The following ZBTB8A variants were observed in gnomAD, a reference collection of about 807,000 sequenced individuals.
ZBTB8A encodes zinc finger and BTB domain containing 8A.
A neutral mutation model predicts 37.8 loss-of-function variants in ZBTB8A; 19 were observed. The ratio of observed to expected loss-of-function variants is 0.50; its 90% CI spans 0.35 to 0.74. The LOEUF (loss-of-function observed/expected upper bound fraction) is 0.74. Among genes scored for constraint, ZBTB8A ranks in the 30% least tolerant of loss-of-function variants. ZBTB8A has a pLI of 0.01. For synonymous variants in ZBTB8A, 181 were observed against 185.2 expected (o/e 0.98, Z 0.19); for missense variants, 394 against 537.8 (o/e 0.73, Z 2.65).
At chr1:32,554,463 TA>T (rs1644184095) in intron 2 of ZBTB8A, among the ~76,000 whole-genome samples, 7 of 10,574 alleles carry the variant, frequency 6.6e-4, no homozygotes, top group African/African-American at 2.5e-3. Flanking sequence ...TTTAATCTTT[TA>T]TTTATTTATT....
At chr1:32,544,312 A>G (rs1421954672) in intron 1 of ZBTB8A, among the ~76,000 whole-genome samples, 1 of 152,264 alleles carries the variant, frequency 6.6e-6, no homozygotes, top group Non-Finnish European at 1.5e-5. Context: ...GCTGTATGGT[A>G]TAGCCTATGG....
chr1:32,546,531 C>T (rs539259420), intron 1 of ZBTB8A, among the ~76,000 whole-genome samples: 3 of 152,096 alleles, frequency 2.0e-5, no homozygotes, highest in African/African-American at 4.8e-5. Context: ...ATAGTCCCAC[C>T]TATGTGGGAG....
At chr1:32,549,951 C>A in intron 1 of ZBTB8A, among the ~76,000 whole-genome samples, 1 of 152,214 alleles carries the variant, frequency 6.6e-6, no homozygotes, top group Non-Finnish European at 1.5e-5. Context: ...CACCTCATTT[C>A]TGCCTTCCGG....
intron 2 of ZBTB8A, among the ~76,000 whole-genome samples, chr1:32,571,221 C>G (rs1206030292): frequency 1.3e-5 from 2 of 152,220 alleles, no homozygotes; most frequent in Non-Finnish European, 2.9e-5. Flanking sequence ...TGACCAACAC[C>G]TCTAGTACAG....
chr1:32,549,523 C>G (rs1644134174), intron 1 of ZBTB8A, among the ~76,000 whole-genome samples: 1 of 151,884 alleles, frequency 6.6e-6, no homozygotes. Context: ...CCCAACAGGC[C>G]CCCCAGGGAG....
intron 2 of ZBTB8A, among the ~76,000 whole-genome samples, chr1:32,584,485 A>G (rs561029480): frequency 6.7e-6 from 1 of 148,232 alleles, no homozygotes; most frequent in South Asian, 2.2e-4. Context: ...AAACGTCATC[A>G]TTCTTTTTTT....
intron 2 of ZBTB8A, among the ~76,000 whole-genome samples, chr1:32,568,050 G>T (rs1480468290): frequency 6.6e-6 from 1 of 151,828 alleles, no homozygotes; most frequent in Non-Finnish European, 1.5e-5. Flanking sequence ...GCTGAGGCAG[G>T]AGACTTGATC....
chr1:32,587,227 G>A (rs191056813), intron 2 of ZBTB8A, among the ~76,000 whole-genome samples: 6 of 152,118 alleles, frequency 3.9e-5, no homozygotes, highest in Admixed American at 2.6e-4. Flanking sequence ...CAACAAGAGC[G>A]AAACTCCATC....
intron 2 of ZBTB8A, among the ~76,000 whole-genome samples, chr1:32,585,740 C>T (rs933322348): frequency 2.0e-5 from 3 of 152,264 alleles, no homozygotes; most frequent in Non-Finnish European, 4.4e-5. Flanking sequence ...GGTGGCTCAA[C>T]ACCTGTAATC....
intron 4 of ZBTB8A, 31 bp from the exon 5 acceptor site, chr1:32,600,056 C>T (rs753502070): frequency 6.4e-7 from 1 of 1,559,712 alleles, no homozygotes; most frequent in South Asian, 1.2e-5. Flanking sequence ...TTTGAAAAAT[C>T]ACTTTTATCA....
intron 2 of ZBTB8A, among the ~76,000 whole-genome samples, chr1:32,569,670 G>A (rs1644310440): frequency 6.6e-6 from 1 of 151,820 alleles, no homozygotes; most frequent in African/African-American, 2.4e-5. Context: ...GGGATTACAG[G>A]CATGAGCCAC....
rs150479615 is a variant in ZBTB8A at position 32,560,065 on chromosome 1, A to G, written c.-2+6525A>G. 6.7e-4 allele frequency among the ~76,000 whole-genome samples: 102 copies of G among 152,216 alleles called. 1 individual carries two copies. The highest frequency in any genetic ancestry group is 1.3e-3 in the Admixed American group (20 of 15,266). ...AGCTTCCAGTTACGGTGGAAGACATAGGAGGAGCAGGCATCTTCACATGGC... is the reference window on the plus strand; with the variant it reads ...AGCTTCCAGTTACGGTGGAAGACATGGGAGGAGCAGGCATCTTCACATGGC... On this transcript the variant is annotated intron_variant, in intron 2 of 4. Coordinates refer to ENST00000373510, the MANE Select transcript of ZBTB8A (RefSeq NM_001040441.3).
At position 32,600,312 on chromosome 1, in the gene ZBTB8A, A is replaced by G; in HGVS notation, c.1219A>G (p.Arg407Gly). Residue 407 changes from arginine (R) to glycine (G), a missense_variant, in exon 5 of 5, where the codon AGA (arginine) becomes GGA (glycine). Coordinates refer to ENST00000373510, the MANE Select transcript of ZBTB8A (RefSeq NM_001040441.3). ...ATGGCACTTGAGTGAAGATGAGAATAGATCCTATGTGGAGATTGTAGAAGA... is the reference window on the plus strand; with the variant it reads ...ATGGCACTTGAGTGAAGATGAGAATGGATCCTATGTGGAGATTGTAGAAGA... ...SRWHLSEDEN[R>G]SYVEIVEDGS... The G allele has an allele frequency of 1.9e-6, 3 of 1,614,196 alleles. No homozygotes were observed. Among genetic ancestry groups the G allele is most frequent in the Non-Finnish European group, 2.5e-6 (3 of 1,180,024 alleles).
chr1:32,543,737 C>T (rs541510716), intron 1 of ZBTB8A, among the ~76,000 whole-genome samples: 3 of 152,126 alleles, frequency 2.0e-5, no homozygotes, highest in East Asian at 1.9e-4. Flanking sequence ...AGTGCAATGG[C>T]GCGATCTCGG....
In ZBTB8A at chr1:32,602,136, C is replaced by G. The variant is rs540993313; in HGVS notation, c.*1717C>G. On this transcript the variant is annotated 3_prime_UTR_variant, in exon 5 of 5. Transcript: ENST00000373510. ...CCGAGGTCGGGAGTTTGAGACCAGC[C>G]TGACCAACATGGAGAAACCCCGTCT... 2 of 152,278 alleles carry G rather than the reference C, an allele frequency of 1.3e-5. No homozygotes were observed. Among genetic ancestry groups the G allele is most frequent in the East Asian group, 1.9e-4 (1 of 5,156 alleles). 9.4% of individuals were successfully genotyped at this position (152,278 alleles called of 1,614,324 possible).
At chr1:32,578,681 TA>T (rs935975742) in intron 2 of ZBTB8A, among the ~76,000 whole-genome samples, 1 of 151,874 alleles carries the variant, frequency 6.6e-6, no homozygotes, top group Non-Finnish European at 1.5e-5. Context: ...CCTTCTGATT[TA>T]AAAAAATATT....
At position 32,600,569 on chromosome 1, in the gene ZBTB8A, C is replaced by T. The variant is rs1052758529; in HGVS notation, c.*150C>T. On this transcript the variant is annotated 3_prime_UTR_variant, in exon 5 of 5. Coordinates refer to ENST00000373510, the MANE Select transcript of ZBTB8A (RefSeq NM_001040441.3). The stretch of plus-strand genomic sequence containing the variant: ...ATAACTTGCATGCTTTCTGAACAGG[C>T]CATTGTATCCATTCTGAACTTTGTT... The T allele has an allele frequency of 9.5e-6, 6 of 632,632 alleles. No homozygotes were observed. Among genetic ancestry groups the T allele is most frequent in the Admixed American group, 3.0e-5 (1 of 33,308 alleles). 39.2% of individuals were successfully genotyped at this position (632,632 alleles called of 1,614,324 possible).
At chr1:32,562,903 G>A (rs1434356188) in intron 2 of ZBTB8A, among the ~76,000 whole-genome samples, 1 of 151,940 alleles carries the variant, frequency 6.6e-6, no homozygotes, top group Non-Finnish European at 1.5e-5. Flanking sequence ...TTTAAGTACT[G>A]AAATGTTTTT....
intron 4 of ZBTB8A, 98 bp from the exon 5 acceptor site, chr1:32,599,989 T>C: frequency 1.1e-6 from 1 of 923,368 alleles, no homozygotes; most frequent in East Asian, 2.6e-5. Flanking sequence ...GTTTAATGCA[T>C]GGCTTTGAAC....
Sources: gnomAD v4.1 joint callset for allele counts (sites outside exome capture counted in the v4.1 genomes callset) on GRCh38, gnomAD v4.1.1 for gene constraint, MANE v1.5 for transcripts, NCBI Gene and HGNC (gene_info 2026-07-23, HGNC 2026-07-21) for gene names.